The following CCDC83 variants were observed in gnomAD, a reference collection of about 807,000 sequenced individuals.
CCDC83 encodes coiled-coil domain containing 83, also known as coiled-coil domain-containing protein 83.
Under a neutral mutation model 50.1 loss-of-function variants are expected in CCDC83, and 54 were observed. The ratio of observed to expected loss-of-function variants is 1.08; its 90% confidence interval spans 0.87 to 1.35. The LOEUF is 1.35. CCDC83 is among the 40% of genes most tolerant of loss of function. CCDC83 has a pLI of 0.00. For missense variants in CCDC83, 518 were observed against 473.9 expected (o/e 1.09, Z -0.86); for synonymous variants, 161 against 153.3 (o/e 1.05, Z -0.37).
intron 4 of CCDC83, among the ~76,000 whole-genome samples, chr11:85,882,896 G>A (rs2093308397): frequency 6.6e-6 from 1 of 152,136 alleles, no homozygotes; most frequent in South Asian, 2.1e-4. Context: ...AAGAAGGGTA[G>A]TGATCAGAAA....
chr11:85,915,647 G>T, intron 9 of CCDC83, 149 bp downstream of exon 9: 2 of 608,032 alleles, frequency 3.3e-6, no homozygotes, highest in Non-Finnish European at 5.7e-6. Flanking sequence ...TTCTCCTCTT[G>T]CAGTGCTTGT....
chr11:85,888,827 T>A (rs1331424805), intron 5 of CCDC83, among the ~76,000 whole-genome samples: 1 of 152,238 alleles, frequency 6.6e-6, no homozygotes, highest in African/African-American at 2.4e-5. Flanking sequence ...TTTGAAGTGC[T>A]AACTTTATTA....
At chr11:85,899,351 C>G (rs1451781122) in intron 7 of CCDC83, among the ~76,000 whole-genome samples, 2 of 152,184 alleles carry the variant, frequency 1.3e-5, no homozygotes, top group African/African-American at 2.4e-5. Flanking sequence ...TAAGCTGATT[C>G]TCTGCTGGGT....
intron 5 of CCDC83, among the ~76,000 whole-genome samples, chr11:85,894,179 T>C (rs1329860854): frequency 1.3e-5 from 2 of 152,102 alleles, no homozygotes; most frequent in East Asian, 1.9e-4. Context: ...ATGCAGAAAA[T>C]GTTGGGGACC....
At chr11:85,902,658 T>A (rs1290207170) in intron 7 of CCDC83, among the ~76,000 whole-genome samples, 1 of 152,092 alleles carries the variant, frequency 6.6e-6, no homozygotes, top group Non-Finnish European at 1.5e-5. Context: ...CACTTAAGGA[T>A]CCCACCATTA....
chr11:85,911,384 T>C lies in CCDC83; in HGVS notation c.776T>C (p.Val259Ala), dbSNP rs2135136988. 6.2e-7 allele frequency: 1 copy of C among 1,606,244 alleles called. No individual in the cohort carries two copies. The highest frequency in any genetic ancestry group is 8.5e-7 in the Non-Finnish European group (1 of 1,177,082). Residue 259 changes from valine to alanine, a missense_variant, in exon 8 of 11, where the codon GTG becomes GCG. Val to Ala is a moderately conservative substitution (Grantham distance 64). Coordinates refer to ENST00000342404, the MANE Select transcript of CCDC83 (RefSeq NM_001286159.2). ...LIDQLSNCRLVDLKIPRRLYL... is the reference protein window; with the variant it reads ...LIDQLSNCRLADLKIPRRLYL... ...GATCAACTATCCAACTGTAGACTTG[T>C]GGATCTCAAGATACCCAGGTGAAAA...
chr11:85,894,773 T>C (rs1233170089), intron 5 of CCDC83, among the ~76,000 whole-genome samples: 1 of 152,216 alleles, frequency 6.6e-6, no homozygotes, highest in Admixed American at 6.5e-5. Flanking sequence ...ATGAACAAAT[T>C]GGACTCATTT....
intron 2 of CCDC83, among the ~76,000 whole-genome samples, chr11:85,865,893 C>T (rs1453858938): frequency 6.8e-6 from 1 of 146,384 alleles, no homozygotes; most frequent in African/African-American, 2.5e-5. Context: ...ATTGAGGTTC[C>T]ATCTCGAAAA....
chr11:85,864,991 G>C (rs1012584031), intron 1 of CCDC83, 105 bp from the exon 2 acceptor site: 4 of 648,086 alleles, frequency 6.2e-6, no homozygotes, highest in African/African-American at 5.4e-5. Context: ...AAGCAATCAG[G>C]ATAGAAAGCC....
chr11:85,897,190 A>C (rs572720215), intron 6 of CCDC83, among the ~76,000 whole-genome samples: 1 of 152,322 alleles, frequency 6.6e-6, no homozygotes, highest in African/African-American at 2.4e-5. Flanking sequence ...GGACTATTCT[A>C]AATATTCTTT....
chr11:85,876,547 CAG>C (rs1419536797), intron 3 of CCDC83, among the ~76,000 whole-genome samples: 1 of 152,190 alleles, frequency 6.6e-6, no homozygotes, highest in Non-Finnish European at 1.5e-5. Flanking sequence ...CTCCGTCACC[CAG>C]GCTGGAGTGC....
chr11:85,857,395 GA>G (rs1460330535), intron 1 of CCDC83, among the ~76,000 whole-genome samples: 1 of 152,198 alleles, frequency 6.6e-6, no homozygotes, highest in East Asian at 1.9e-4. Context: ...CTGGAAGGGC[GA>G]AACAGAGGAG....
Position 85,865,288 on chromosome 11 carries a change from T to A in CCDC83, c.95+70T>A, listed in dbSNP as rs2093200637. ...CAGTCATTGTTAAGACTCATATAAC[T>A]GCAAATGCAAACAATACATGCAGCA... On this transcript the variant is annotated intron_variant, in intron 2 of 10. Transcript: ENST00000342404. 4 of 926,360 alleles carry A rather than the reference T, an allele frequency of 4.3e-6. No individual in the cohort carries two copies. In the Admixed American group the frequency reaches 7.5e-5, roughly 17 times the overall value. The allele number at this position is 926,360 out of a possible 1,614,324, so 57.4% of individuals were successfully genotyped here.
chr11:85,917,213 A>AGAAAGAAAGAAAGAAG (rs2093485229), intron 10 of CCDC83, among the ~76,000 whole-genome samples: 65 of 115,092 alleles, frequency 5.6e-4, no homozygotes, highest in African/African-American at 1.9e-3. Flanking sequence ...AAAGAAGGAA[A>AGAAAGAAAGAAAGAAG]GAAAGAAAGA....
At position 85,873,295 on chromosome 11, in the gene CCDC83, A is replaced by G; in HGVS notation, c.180A>G (p.Arg60=). The G allele has an allele frequency of 7.3e-7, 1 of 1,366,010 alleles. No individual in the cohort carries two copies. Among genetic ancestry groups the G allele is most frequent in the East Asian group, 2.4e-5 (1 of 41,392 alleles). 84.6% of individuals were successfully genotyped at this position (1,366,010 alleles called of 1,614,324 possible). Reference sequence around the variant, plus strand: ...AAAAGAACCAAAAATATCATGAAAGAGTGAGTATAAAATTTAGAACCTATA... The same window carrying G: ...AAAAGAACCAAAAATATCATGAAAGGGTGAGTATAAAATTTAGAACCTATA... ...LRKKNQKYHE[R]NSRLKEEQIW... is the part of the protein sequence containing the mutation. Residue 60 remains arginine (R), a splice_region_variant and synonymous_variant, in exon 3 of 11, where the codon AGA becomes AGG. Coordinates refer to ENST00000342404, the MANE Select transcript of CCDC83 (RefSeq NM_001286159.2).
At chr11:85,872,947 C>T (rs185063362) in intron 2 of CCDC83, among the ~76,000 whole-genome samples, 576 of 151,184 alleles carry the variant, frequency 3.8e-3, no homozygotes, top group Non-Finnish European at 6.4e-3. Flanking sequence ...TATTTATAAA[C>T]AATTAGAAAG....
intron 3 of CCDC83, among the ~76,000 whole-genome samples, chr11:85,875,292 C>T (rs1056658059): frequency 6.6e-5 from 10 of 152,150 alleles, no homozygotes; most frequent in Non-Finnish European, 1.0e-4. Flanking sequence ...AACAGGAAGG[C>T]GGGTTATCAA....
intron 4 of CCDC83, among the ~76,000 whole-genome samples, chr11:85,885,243 T>A (rs1398571580): frequency 6.6e-6 from 1 of 152,110 alleles, no homozygotes. Flanking sequence ...CTTGTGTACA[T>A]CTTTGGAAAA....
chr11:85,887,455 G>A (rs1300013173), intron 5 of CCDC83, among the ~76,000 whole-genome samples: 1 of 152,150 alleles, frequency 6.6e-6, no homozygotes, highest in African/African-American at 2.4e-5. Flanking sequence ...CAATTTGTAT[G>A]TAAGTTTCTC....
Sources: allele counts gnomAD v4.1 joint callset (sites outside exome capture counted in the v4.1 genomes callset), GRCh38; gene constraint gnomAD v4.1.1; transcripts MANE v1.5; gene names NCBI Gene and HGNC (gene_info 2026-07-23, HGNC 2026-07-21).